Variants in CCSER1 observed in about 807,000 individuals in gnomAD.
CCSER1 encodes the protein serine-rich coiled-coil domain-containing protein 1.
CCSER1 carries 41 observed loss-of-function variants against 82.0 expected under a neutral mutation model. That is an observed-to-expected ratio of 0.50 (90% CI 0.39 to 0.65). The LOEUF is 0.65. CCSER1 is among the 30% of genes least tolerant of loss of function. CCSER1 has a pLI of 0.00. For missense variants in CCSER1, 1,119 were observed against 1,064.2 expected (o/e 1.05, Z -0.72); for synonymous variants, 414 against 383.9 (o/e 1.08, Z -0.92).
In CCSER1 at chr4:91,011,042, C is replaced by G. The variant is rs933663253; in HGVS notation, c.2173-74908C>G. Among the ~76,000 whole-genome samples, 12 of 134,236 alleles carry G rather than the reference C, an allele frequency of 8.9e-5. 2 individuals carry two copies. The highest frequency in any genetic ancestry group is 3.0e-4 in the African/African-American group (12 of 40,348). 88.1% of individuals were successfully genotyped at this position (134,236 alleles called of 152,430 possible). On this transcript the variant is annotated intron_variant, in intron 9 of 10. Coordinates refer to ENST00000509176, the MANE Select transcript of CCSER1 (RefSeq NM_001145065.2). ...GAATCAGGTCTGGAAATTACTTCTTCCAAATTTTACTGAGTGGCTTTTGAA... is the reference window on the plus strand; with the variant it reads ...GAATCAGGTCTGGAAATTACTTCTTGCAAATTTTACTGAGTGGCTTTTGAA...
intron 6 of CCSER1, among the ~76,000 whole-genome samples, chr4:90,675,356 G>C (rs1338189260): frequency 2.0e-5 from 3 of 151,654 alleles, no homozygotes; most frequent in Non-Finnish European, 4.4e-5. Context: ...GCTTTGTAAG[G>C]ATGCAAGAAA....
chr4:91,047,285 C>T (rs1391012970), intron 9 of CCSER1, among the ~76,000 whole-genome samples: 1 of 152,048 alleles, frequency 6.6e-6, no homozygotes, highest in Admixed American at 6.5e-5. Flanking sequence ...ATATGTATAA[C>T]ACATACATAT....
Position 91,600,937 on chromosome 4 carries a change from T to G in CCSER1, c.*1880T>G, listed in dbSNP as rs1032918292. The G allele has an allele frequency of 3.9e-5, 6 of 152,092 alleles. No homozygotes were observed. Among genetic ancestry groups the G allele is most frequent in the South Asian group, 4.1e-4 (2 of 4,836 alleles). 9.4% of individuals were successfully genotyped at this position (152,092 alleles called of 1,614,324 possible). A position where few individuals can be genotyped will look rare whatever the true frequency, so the allele number is the denominator to read the frequency against. ...TATAATGATCATGCAGATATACACTTTGGGCTGGGCAATATTTAAGAAATG... is the reference window on the plus strand; with the variant it reads ...TATAATGATCATGCAGATATACACTGTGGGCTGGGCAATATTTAAGAAATG... On this transcript the variant is annotated 3_prime_UTR_variant, in exon 11 of 11. Coordinates refer to ENST00000509176, the MANE Select transcript of CCSER1 (RefSeq NM_001145065.2).
intron 8 of CCSER1, among the ~76,000 whole-genome samples, chr4:90,888,182 G>T (rs1275647404): frequency 6.6e-6 from 1 of 151,940 alleles, no homozygotes; most frequent in East Asian, 1.9e-4. Flanking sequence ...TAATGCTACT[G>T]TGCATTAAAT....
chr4:90,373,047 A>G (rs1055591806), intron 3 of CCSER1, among the ~76,000 whole-genome samples: 3 of 152,040 alleles, frequency 2.0e-5, no homozygotes, highest in African/African-American at 7.2e-5. Flanking sequence ...CCATCTGTCC[A>G]TTCAACACTT....
At chr4:91,042,439 G>A (rs1581406548) in intron 9 of CCSER1, among the ~76,000 whole-genome samples, 1 of 152,120 alleles carries the variant, frequency 6.6e-6, no homozygotes, top group South Asian at 2.1e-4. Context: ...CTTTATAGCA[G>A]TATGAAAACA....
At chr4:90,877,165 A>G (rs1767319166) in intron 8 of CCSER1, among the ~76,000 whole-genome samples, 1 of 152,218 alleles carries the variant, frequency 6.6e-6, no homozygotes, top group Non-Finnish European at 1.5e-5. Flanking sequence ...TATAAGGTGC[A>G]GGTAAAAAGC....
At chr4:90,561,933 A>G (rs1579170618) in intron 5 of CCSER1, among the ~76,000 whole-genome samples, 1 of 152,152 alleles carries the variant, frequency 6.6e-6, no homozygotes. Context: ...CACACCTGTA[A>G]TCCCAGCACT....
At chr4:91,221,815 T>C (rs13122462) in intron 10 of CCSER1, among the ~76,000 whole-genome samples, 70,752 of 151,798 alleles carry the variant, frequency 0.47, 17,223 homozygotes, top group East Asian at 0.86. Flanking sequence ...CATTAATAAA[T>C]AGCTAGAGTC....
chr4:90,977,117 A>G (rs1735680762), intron 9 of CCSER1, among the ~76,000 whole-genome samples: 2 of 151,560 alleles, frequency 1.3e-5, no homozygotes, highest in African/African-American at 4.8e-5. Flanking sequence ...ATTTGGAATA[A>G]AAATACAATG....
chr4:90,713,588 T>C (rs915879903), intron 6 of CCSER1, among the ~76,000 whole-genome samples: 1 of 151,950 alleles, frequency 6.6e-6, no homozygotes, highest in African/African-American at 2.4e-5. Context: ...TTTTTTTTTA[T>C]TTCAATCTTA....
At chr4:91,572,285 G>A (rs1377900609) in intron 10 of CCSER1, among the ~76,000 whole-genome samples, 1 of 152,142 alleles carries the variant, frequency 6.6e-6, no homozygotes, top group African/African-American at 2.4e-5. Context: ...ATAGCAGCCT[G>A]TCCATCTCTC....
At chr4:90,875,388 A>G (rs1767068403) in intron 8 of CCSER1, among the ~76,000 whole-genome samples, 1 of 152,184 alleles carries the variant, frequency 6.6e-6, no homozygotes, top group Non-Finnish European at 1.5e-5. Context: ...CTTATTATAA[A>G]CAATAGGGGA....
At chr4:90,731,317 G>A (rs1408357501) in intron 7 of CCSER1, among the ~76,000 whole-genome samples, 1 of 152,108 alleles carries the variant, frequency 6.6e-6, no homozygotes, top group African/African-American at 2.4e-5. Flanking sequence ...TTATTTGTTT[G>A]GTTGGCTTAA....
At chr4:91,336,680 T>G (rs1406127865) in intron 10 of CCSER1, among the ~76,000 whole-genome samples, 1 of 152,082 alleles carries the variant, frequency 6.6e-6, no homozygotes, top group Non-Finnish European at 1.5e-5. Flanking sequence ...ATAATAAATA[T>G]GTATTGATAT....
At chr4:90,980,853 A>C (rs1736048172) in intron 9 of CCSER1, among the ~76,000 whole-genome samples, 1 of 151,788 alleles carries the variant, frequency 6.6e-6, no homozygotes, top group Non-Finnish European at 1.5e-5. Context: ...TAAGAGGTGA[A>C]TACTCGAACT....
chr4:90,155,144 GTTT>G (rs1727813655), intron 1 of CCSER1, among the ~76,000 whole-genome samples: 1 of 152,112 alleles, frequency 6.6e-6, no homozygotes, highest in South Asian at 2.1e-4. Context: ...TAATCATGTG[GTTT>G]TTGTCTTTGG....
intron 5 of CCSER1, among the ~76,000 whole-genome samples, chr4:90,527,682 C>T (rs1169628386): frequency 6.6e-6 from 1 of 151,848 alleles, no homozygotes; most frequent in Non-Finnish European, 1.5e-5. Flanking sequence ...AATATAGTTT[C>T]CAGAAAGTAT....
intron 9 of CCSER1, among the ~76,000 whole-genome samples, chr4:91,022,474 G>T (rs1479839269): frequency 6.6e-6 from 1 of 152,110 alleles, no homozygotes; most frequent in Non-Finnish European, 1.5e-5. Flanking sequence ...AAACATACAT[G>T]TGCATGTGTC....
Sources: allele counts gnomAD v4.1 joint callset (sites outside exome capture counted in the v4.1 genomes callset), GRCh38; gene constraint gnomAD v4.1.1; transcripts MANE v1.5; gene names NCBI Gene and HGNC (gene_info 2026-07-23, HGNC 2026-07-21).